The following NFIX variants were observed in gnomAD, a reference collection of about 807,000 sequenced individuals.
The protein encoded by NFIX is nuclear factor I X.
Under a neutral mutation model 53.3 loss-of-function variants are expected in NFIX, and 2 were observed. The ratio of observed to expected loss-of-function variants is 0.04; its 90% CI spans 0.02 to 0.12. NFIX has a LOEUF of 0.12. Ranked by LOEUF, NFIX falls within the 10% of genes least tolerant of loss-of-function variation. The pLI, the probability that NFIX is intolerant of heterozygous loss-of-function variation, is 1.00. For missense variants in NFIX, 310 were observed against 674.5 expected (o/e 0.46, Z 5.99); for synonymous variants, 244 against 289.0 (o/e 0.84, Z 1.58).
At chr19:13,016,576 G>A (rs1178678180) in intron 1 of NFIX, among the ~76,000 whole-genome samples, 1 of 137,950 alleles carries the variant, frequency 7.2e-6, no homozygotes, top group Non-Finnish European at 1.5e-5. Flanking sequence ...TTTTTTGTAC[G>A]CTTGCCATTT....
rs570023183 is a variant in NFIX, at chr19:13,001,658, G to A, written c.27+5794G>A. On this transcript the variant is annotated intron_variant, in intron 1 of 10. Coordinates refer to ENST00000592199, the MANE Select transcript of NFIX (RefSeq NM_001365902.3). The surrounding 1 kb of genome is among the most constrained non-coding windows in gnomAD (Gnocchi z 6.5). Reference sequence around the variant, plus strand: ...TCCGTGTCAACTTGTGTCCACATACGTGTCAACGCACGTGTCTCCAGTGTC... The same window carrying A: ...TCCGTGTCAACTTGTGTCCACATACATGTCAACGCACGTGTCTCCAGTGTC... Among the ~76,000 whole-genome samples, 9 of 152,224 alleles carry A rather than the reference G, an allele frequency of 5.9e-5. No individual in the cohort carries two copies. Among genetic ancestry groups the A allele is most frequent in the South Asian group, 2.1e-4 (1 of 4,826 alleles).
intron 1 of NFIX, among the ~76,000 whole-genome samples, chr19:13,010,297 G>A (rs1244282912): frequency 6.6e-6 from 1 of 152,244 alleles, no homozygotes; most frequent in East Asian, 1.9e-4. Context: ...CCCAAGGCGT[G>A]CGCAAGCACT....
At chr19:13,053,599 A>G (rs1296732758) in intron 2 of NFIX, among the ~76,000 whole-genome samples, 1 of 152,098 alleles carries the variant, frequency 6.6e-6, no homozygotes, top group Non-Finnish European at 1.5e-5. Flanking sequence ...CCCATCCTCC[A>G]TCCTCATTCC....
intron 1 of NFIX, among the ~76,000 whole-genome samples, chr19:13,023,562 G>A (rs2013084727): frequency 6.6e-6 from 1 of 151,642 alleles, no homozygotes; most frequent in South Asian, 2.1e-4. Context: ...GGGGTGGGGT[G>A]GGGTGCGTTG....
At chr19:13,084,637 A>G (rs1162872207) in intron 8 of NFIX, among the ~76,000 whole-genome samples, 4 of 152,082 alleles carry the variant, frequency 2.6e-5, no homozygotes, top group Non-Finnish European at 4.4e-5. Context: ...GAGAAGGAAG[A>G]GACTGCCAAG....
chr19:13,032,610 T>C (rs759102289), intron 2 of NFIX, among the ~76,000 whole-genome samples: 2 of 152,144 alleles, frequency 1.3e-5, no homozygotes, highest in African/African-American at 2.4e-5. Context: ...GAATACAGGT[T>C]GGGGCTTCCC....
rs889796626 is a variant in NFIX, at chr19:13,093,749, C to G, written c.1495-886C>G. On this transcript the variant is annotated intron_variant, in intron 10 of 10. Transcript: ENST00000592199. The surrounding 1 kb of genome is among the most constrained non-coding windows in gnomAD (Gnocchi z 4.7). ...CCCAAGATGCATTTTCAGGGACCCT[C>G]ATTTTGCCCCAACGGTACTACCAGG... 6.6e-6 allele frequency among the ~76,000 whole-genome samples: 1 copy of G among 152,160 alleles called. No homozygotes were observed. Among genetic ancestry groups the G allele is most frequent in the Non-Finnish European group, 1.5e-5 (1 of 68,020 alleles).
Position 13,068,959 on chromosome 19 carries a change from A to G in NFIX, c.560-4088A>G. Among the ~76,000 whole-genome samples the G allele has an allele frequency of 6.6e-6, 1 of 152,236 alleles. No individual in the cohort carries two copies. The highest frequency in any genetic ancestry group is 1.9e-4 in the East Asian group (1 of 5,202). ...CCTCCCCTAGCCTGGCCCAGAAACC[A>G]GGGACCCCGAATGCCAGCCTGGCCA... On this transcript the variant is annotated intron_variant, in intron 2 of 10. Coordinates refer to ENST00000592199, the MANE Select transcript of NFIX (RefSeq NM_001365902.3). The surrounding 1 kb of genome is among the most constrained non-coding windows in gnomAD (Gnocchi z 4.2).
At position 13,093,669 on chromosome 19, in the gene NFIX, T is replaced by C. The variant is rs1160970229; in HGVS notation, c.1495-966T>C. Among the ~76,000 whole-genome samples, 1 of 152,166 alleles carries C rather than the reference T, an allele frequency of 6.6e-6. No individual in the cohort carries two copies. Among genetic ancestry groups the C allele is most frequent in the African/African-American group, 2.4e-5 (1 of 41,434 alleles). ...GAACCAGGACCTGGTATGTGCTCTG[T>C]AGTTGGCTCCGCCTGGCCCCTGCAG... On this transcript the variant is annotated intron_variant, in intron 10 of 10. Transcript: ENST00000592199. The surrounding 1 kb of genome is among the most constrained non-coding windows in gnomAD (Gnocchi z 4.7).
intron 2 of NFIX, among the ~76,000 whole-genome samples, chr19:13,026,211 G>A (rs2013332980): frequency 3.9e-5 from 6 of 152,004 alleles, no homozygotes; most frequent in Admixed American, 3.9e-4. Flanking sequence ...AAACAAGGAC[G>A]AGATTCCTTG....
chr19:13,033,033 G>T (rs1296652419), intron 2 of NFIX, among the ~76,000 whole-genome samples: 2 of 152,112 alleles, frequency 1.3e-5, no homozygotes, highest in African/African-American at 2.4e-5. Flanking sequence ...GGTGAGGGGG[G>T]GCTCACAGGG....
At chr19:13,018,342 G>GA (rs1451095092) in intron 1 of NFIX, among the ~76,000 whole-genome samples, 1 of 117,774 alleles carries the variant, frequency 8.5e-6, no homozygotes, top group Non-Finnish European at 1.9e-5. Flanking sequence ...GGGCGGGGGG[G>GA]GGGGGGGGGC....
chr19:13,081,945 G>T lies in NFIX; in HGVS notation c.1254+90G>T. On this transcript the variant is annotated intron_variant, in intron 8 of 10. Transcript: ENST00000592199. The surrounding 1 kb of genome is among the most constrained non-coding windows in gnomAD (Gnocchi z 4.7). ...GGGCTCACAGGGAGAGGGCCCAAAA[G>T]CCAGGAGCCCACCTGGGGCTGGAGC... is the stretch of plus-strand genomic sequence containing the variant. The T allele has an allele frequency of 6.7e-7, 1 of 1,495,766 alleles. No homozygotes were observed. Among genetic ancestry groups the T allele is most frequent in the South Asian group, 1.2e-5 (1 of 83,810 alleles). The allele number at this position is 1,495,766 out of a possible 1,614,324, so 92.7% of individuals were successfully genotyped here. A position where few individuals can be genotyped will look rare whatever the true frequency, so the allele number is the denominator to read the frequency against.
chr19:13,018,419 G>C (rs1361613367), intron 1 of NFIX, among the ~76,000 whole-genome samples: 2 of 151,680 alleles, frequency 1.3e-5, no homozygotes, highest in Non-Finnish European at 2.9e-5. Flanking sequence ...CCAGCACTGG[G>C]GTGTGGGGCG....
chr19:13,012,084 G>A lies in NFIX; in HGVS notation c.28-12937G>A, dbSNP rs1032940423. The A allele has an allele frequency of 2.0e-5, 3 of 152,108 alleles. No individual in the cohort carries two copies. Among genetic ancestry groups the A allele is most frequent in the African/African-American group, 7.3e-5 (3 of 41,366 alleles). The allele number at this position is 152,108 out of a possible 1,614,324, so 9.4% of individuals were successfully genotyped here. A position where few individuals can be genotyped will look rare whatever the true frequency, so the allele number is the denominator to read the frequency against. Reference sequence around the variant, plus strand: ...CAGAACCGGGGCGCGAAGGGGCCGCGGGACACGAGCGGGCCGTGCGCAAAG... The same window carrying A: ...CAGAACCGGGGCGCGAAGGGGCCGCAGGACACGAGCGGGCCGTGCGCAAAG... On this transcript the variant is annotated intron_variant, in intron 1 of 10. Transcript: ENST00000592199. This position sits in a 1 kb window ranked among gnomAD's most constrained non-coding sequence, Gnocchi z 5.0.
In NFIX at chr19:13,068,579, C is replaced by T. The variant is rs148744119; in HGVS notation, c.560-4468C>T. On this transcript the variant is annotated intron_variant, in intron 2 of 10. Coordinates refer to ENST00000592199, the MANE Select transcript of NFIX (RefSeq NM_001365902.3). The surrounding 1 kb of genome is among the most constrained non-coding windows in gnomAD (Gnocchi z 4.2). ...TGGTCTGGGCACTGCCAGAGGCCTC[C>T]AGCCCACAAGCTGTTGTTGCTGTGG... Among the ~76,000 whole-genome samples, 600 of 152,350 alleles carry T rather than the reference C, an allele frequency of 3.9e-3. 3 individuals carry two copies. The highest frequency in any genetic ancestry group is 0.024 in the Middle Eastern group (7 of 294).
chr19:13,034,974 G>A (rs1047580144), intron 2 of NFIX, among the ~76,000 whole-genome samples: 1 of 152,124 alleles, frequency 6.6e-6, no homozygotes. Flanking sequence ...GGACTGTCTT[G>A]GACATTGTAG....
chr19:13,032,631 A>G (rs541171452), intron 2 of NFIX, among the ~76,000 whole-genome samples: 1 of 152,258 alleles, frequency 6.6e-6, no homozygotes, highest in East Asian at 1.9e-4. Context: ...ACCCTAAATC[A>G]GAGAATGAGG....
At chr19:13,053,751 T>C (rs147353967) in intron 2 of NFIX, among the ~76,000 whole-genome samples, 1 of 152,202 alleles carries the variant, frequency 6.6e-6, no homozygotes, top group African/African-American at 2.4e-5. Context: ...AGTAGGAGAA[T>C]CTGTCCCCAA....
Sources: gnomAD v4.1 joint callset for allele counts (sites outside exome capture counted in the v4.1 genomes callset) on GRCh38, gnomAD v4.1.1 for gene constraint, Gnocchi (gnomAD v3.1) non-coding constraint, MANE v1.5 for transcripts, NCBI Gene and HGNC (gene_info 2026-07-23, HGNC 2026-07-21) for gene names.